Variants in CACNA1A observed in about 807,000 individuals in gnomAD.
The protein encoded by CACNA1A is calcium voltage-gated channel subunit alpha1 A.
In CACNA1A, 57 loss-of-function variants were observed where a neutral mutation model predicts 262.4. The observed-to-expected ratio is 0.22, with a 90% CI of 0.18 to 0.27. The LOEUF (loss-of-function observed/expected upper bound fraction) is 0.27, where lower values mean the gene tolerates loss of function less well. Among genes scored for constraint, CACNA1A ranks in the 10% least tolerant of loss-of-function variants. CACNA1A has a pLI of 1.00. For synonymous variants in CACNA1A, 1,431 were observed against 1,419.3 expected (o/e 1.01, Z -0.18); for missense variants, 2,526 against 3,562.8 (o/e 0.71, Z 7.41).
intron 3 of CACNA1A, among the ~76,000 whole-genome samples, chr19:13,419,496 G>A (rs1286088187): frequency 2.6e-5 from 4 of 151,752 alleles, no homozygotes; most frequent in Admixed American, 6.6e-5. Context: ...TGGTAACATA[G>A]GGAGACCCCA....
At chr19:13,299,745 C>T (rs531607389) in intron 18 of CACNA1A, among the ~76,000 whole-genome samples, 5 of 152,098 alleles carry the variant, frequency 3.3e-5, no homozygotes, top group Admixed American at 1.3e-4. Context: ...CTTCCCCAGG[C>T]CCCCCAGTGG....
At chr19:13,404,210 AT>A (rs911327629) in intron 3 of CACNA1A, among the ~76,000 whole-genome samples, 6 of 152,218 alleles carry the variant, frequency 3.9e-5, no homozygotes, top group African/African-American at 1.4e-4. Flanking sequence ...ACACACAGTA[AT>A]AAGGTTCATA....
intron 3 of CACNA1A, among the ~76,000 whole-genome samples, chr19:13,430,250 A>G (rs2144825089): frequency 6.6e-6 from 1 of 152,108 alleles, no homozygotes; most frequent in African/African-American, 2.4e-5. Context: ...CTTGTGGCCC[A>G]GGCTGGATTG....
chr19:13,242,937 A>G (rs890039085), intron 31 of CACNA1A, among the ~76,000 whole-genome samples: 2 of 152,196 alleles, frequency 1.3e-5, no homozygotes, highest in Admixed American at 1.3e-4. Flanking sequence ...TGAACACCCC[A>G]TGCCCCATCT....
At chr19:13,286,391 G>A in intron 20 of CACNA1A, 112 bp downstream of exon 20, 1 of 509,404 alleles carries the variant, frequency 2.0e-6, no homozygotes, top group South Asian at 4.6e-5. Flanking sequence ...TTTTCCAGGG[G>A]AGGAGACTGA....
chr19:13,226,983 T>TC (rs1446647246), intron 37 of CACNA1A: 1 of 152,582 alleles, frequency 6.6e-6, no homozygotes, highest in African/African-American at 2.4e-5. Flanking sequence ...ACCCGGGACC[T>TC]CGCCTGCTTT....
chr19:13,338,807 T>C (rs1326422276), intron 6 of CACNA1A, among the ~76,000 whole-genome samples: 3 of 152,192 alleles, frequency 2.0e-5, no homozygotes, highest in Non-Finnish European at 1.5e-5. Flanking sequence ...TGACAATTAA[T>C]CAAGCTCTTC....
At chr19:13,215,646 C>G (rs2054983245) in intron 38 of CACNA1A, among the ~76,000 whole-genome samples, 1 of 144,372 alleles carries the variant, frequency 6.9e-6, no homozygotes, top group Admixed American at 7.0e-5. Context: ...TTGACAGAGT[C>G]TCTCTCTGTT....
intron 4 of CACNA1A, among the ~76,000 whole-genome samples, chr19:13,368,828 G>A (rs1383941274): frequency 1.5e-5 from 2 of 130,346 alleles, no homozygotes; most frequent in Admixed American, 1.5e-4. Context: ...CACGAGGTCA[G>A]GAGATCGAGA....
Position 13,224,656 on chromosome 19 carries a change from C to T in CACNA1A, c.5731+11G>A, listed in dbSNP as rs764001049. 1.8e-5 allele frequency: 29 copies of T among 1,591,178 alleles called. No homozygotes were observed. In the South Asian group the frequency reaches 3.3e-4, roughly 18 times the overall value. ...CACGCCTGTCTGTGCCCGCCCCTGT[C>T]CCTTCCTTACCCTTGGCAATCTTGA... On this transcript the variant is annotated intron_variant, in intron 38 of 46. Coordinates refer to ENST00000360228, the MANE Select transcript of CACNA1A (RefSeq NM_001127222.2).
In CACNA1A at chr19:13,354,618, A is replaced by C. The variant is rs148948835; in HGVS notation, c.978+4988T>G. On this transcript the variant is annotated intron_variant, in intron 6 of 46. Transcript: ENST00000360228. ...TGGGAAGCCCCAGACAAGAGTTCAC[A>C]TGCAAGTCGTTTTATTTAGGAGGAG... Among the ~76,000 whole-genome samples the C allele has an allele frequency of 1.2e-4, 18 of 152,332 alleles. No individual in the cohort carries two copies. The East Asian group carries it at 3.5e-3, about 29-fold the overall frequency.
At chr19:13,470,408 C>A (rs939880908) in intron 1 of CACNA1A, among the ~76,000 whole-genome samples, 2 of 152,258 alleles carry the variant, frequency 1.3e-5, no homozygotes, top group Admixed American at 6.5e-5. Context: ...TTGACCATGC[C>A]CTTCTTAATG....
rs149856354 is a variant in CACNA1A, at chr19:13,373,400, T to C, written c.540-1621A>G. Among the ~76,000 whole-genome samples the C allele has an allele frequency of 7.2e-5, 11 of 152,336 alleles. 1 individual carries two copies. Among genetic ancestry groups the C allele is most frequent in the African/African-American group, 2.4e-4 (10 of 41,588 alleles). ...CAACTGGTATCTGTACCTCTTGCCTTAGGGCTGTCTCCAAATCTGGGGCAG... is the reference window on the plus strand; with the variant it reads ...CAACTGGTATCTGTACCTCTTGCCTCAGGGCTGTCTCCAAATCTGGGGCAG... On this transcript the variant is annotated intron_variant, in intron 3 of 46. Transcript: ENST00000360228.
chr19:13,209,287 C>A, intron 45 of CACNA1A, 25 bp downstream of exon 45: 1 of 1,435,970 alleles, frequency 7.0e-7, no homozygotes, highest in South Asian at 1.5e-5. Flanking sequence ...TTCTGCTTGT[C>A]CCTGAGCACC....
At position 13,217,246 on chromosome 19, in the gene CACNA1A, G is replaced by C. The variant is rs904397177; in HGVS notation, c.5732-2638C>G. Among the ~76,000 whole-genome samples, 16 of 152,182 alleles carry C rather than the reference G, an allele frequency of 1.1e-4. No individual in the cohort carries two copies. In the South Asian group the frequency reaches 2.7e-3, roughly 26 times the overall value. ...CAGATGGACAGGGAAGAGAGAGAGA[G>C]AGACAGAGACAGAGAGAATGAGATG... is the stretch of plus-strand genomic sequence containing the variant. On this transcript the variant is annotated intron_variant, in intron 38 of 46. Coordinates refer to ENST00000360228, the MANE Select transcript of CACNA1A (RefSeq NM_001127222.2).
intron 24 of CACNA1A, among the ~76,000 whole-genome samples, chr19:13,264,700 T>C (rs1383822654): frequency 6.6e-6 from 1 of 152,154 alleles, no homozygotes; most frequent in Admixed American, 6.5e-5. Flanking sequence ...AAGCCCAAAT[T>C]ACCTGTTGCT....
chr19:13,449,970 G>T (rs12608671), intron 3 of CACNA1A, among the ~76,000 whole-genome samples: 37,629 of 151,460 alleles, frequency 0.25, 5,329 homozygotes, highest in African/African-American at 0.38. Context: ...GCGTAAACCC[G>T]TCTCTACTAA....
intron 3 of CACNA1A, among the ~76,000 whole-genome samples, chr19:13,442,691 G>A (rs1049234059): frequency 2.0e-5 from 3 of 152,162 alleles, no homozygotes; most frequent in East Asian, 1.9e-4. Context: ...CATTCTCACT[G>A]TCATAGAGGG....
At chr19:13,371,655 C>A (rs371425273) in intron 4 of CACNA1A, 33 bp downstream of exon 4, 10 of 1,516,592 alleles carry the variant, frequency 6.6e-6, no homozygotes, top group Non-Finnish European at 9.0e-6. Context: ...GGCCCGTGAG[C>A]AAACCCCTTG....
Sources: allele counts gnomAD v4.1 joint callset (sites outside exome capture counted in the v4.1 genomes callset), GRCh38; gene constraint gnomAD v4.1.1; transcripts MANE v1.5; gene names NCBI Gene and HGNC (gene_info 2026-07-23, HGNC 2026-07-21).